Variants in DLAT observed in about 807,000 individuals in gnomAD.
The protein encoded by DLAT is dihydrolipoamide S-acetyltransferase, also known as dihydrolipoyllysine-residue acetyltransferase component of pyruvate dehydrogenase complex, mitochondrial.
DLAT carries 43 observed loss-of-function variants against 68.0 expected under a neutral mutation model. The observed-to-expected ratio is 0.63, with a 90% CI of 0.50 to 0.81. The LOEUF is 0.81. DLAT is among the 40% of genes least tolerant of loss of function. The pLI is 0.00. For missense variants in DLAT, 745 were observed against 815.4 expected (o/e 0.91, Z 1.05); for synonymous variants, 265 against 288.6 (o/e 0.92, Z 0.83).
chr11:112,036,167 A>ATATGTGTGTG (rs1555180440), intron 5 of DLAT, among the ~76,000 whole-genome samples: 2 of 82,572 alleles, frequency 2.4e-5, no homozygotes, highest in African/African-American at 1.1e-4. Context: ...GTGTGTATAT[A>ATATGTGTGTG]TGTGTGTGTG....
intron 1 of DLAT, among the ~76,000 whole-genome samples, 196 bp from the exon 2 acceptor site, chr11:112,026,002 A>G (rs1278267375): frequency 2.0e-5 from 3 of 152,216 alleles, no homozygotes; most frequent in Non-Finnish European, 2.9e-5. Flanking sequence ...TCAGACCCAC[A>G]GGACTGTGGA....
At chr11:112,059,469 T>C (rs1022547984) in intron 11 of DLAT, among the ~76,000 whole-genome samples, 1 of 151,828 alleles carries the variant, frequency 6.6e-6, no homozygotes, top group African/African-American at 2.4e-5. Flanking sequence ...CTCAGCTCAC[T>C]GCAACCTCCA....
At chr11:112,052,243 C>T (rs1863688429) in intron 11 of DLAT, among the ~76,000 whole-genome samples, 1 of 152,140 alleles carries the variant, frequency 6.6e-6, no homozygotes, top group Non-Finnish European at 1.5e-5. Context: ...TTTCCCCACA[C>T]ACCAACCAAA....
At chr11:112,032,618 C>T (rs906813699) in intron 4 of DLAT, 1 of 152,176 alleles carries the variant, frequency 6.6e-6, no homozygotes, top group East Asian at 1.9e-4. Flanking sequence ...CTTAATATTA[C>T]GTTTTTATCT....
At chr11:112,041,360 T>C (rs1863042862) in intron 7 of DLAT, among the ~76,000 whole-genome samples, 1 of 152,214 alleles carries the variant, frequency 6.6e-6, no homozygotes, top group Non-Finnish European at 1.5e-5. Flanking sequence ...CTCAGTGATA[T>C]ACTAGTGAGT....
chr11:112,045,773 C>A, intron 9 of DLAT, 90 bp from the exon 10 acceptor site: 1 of 783,550 alleles, frequency 1.3e-6, no homozygotes, highest in Admixed American at 2.0e-5. Flanking sequence ...TAAGTATTAG[C>A]AGAGAGTAAG....
intron 10 of DLAT, among the ~76,000 whole-genome samples, chr11:112,047,390 A>G (rs139380841): frequency 0.01 from 1,582 of 152,304 alleles, 25 homozygotes; most frequent in African/African-American, 0.035. Flanking sequence ...ATAGATTTCA[A>G]AAATTTTCTC....
At chr11:112,046,666 T>TTCAACTC (rs1263714309) in intron 10 of DLAT, among the ~76,000 whole-genome samples, 1 of 151,884 alleles carries the variant, frequency 6.6e-6, no homozygotes, top group East Asian at 1.9e-4. Flanking sequence ...CCTCCCTGTG[T>TTCAACTC]CCATGTGTTC....
rs1431566908 is a variant in DLAT at position 112,051,878 on chromosome 11, AC to A, written c.1514+530del. Among the ~76,000 whole-genome samples the A allele has an allele frequency of 1.3e-5, 2 of 152,238 alleles. No individual in the cohort carries two copies. Among genetic ancestry groups the A allele is most frequent in the Non-Finnish European group, 2.9e-5 (2 of 68,038 alleles). ...CCTGAACTTTACGGGCAAAATTAGA[AC>A]AGTAATTGTTAATAATACAATGGTA... On this transcript the variant is annotated intron_variant, in intron 11 of 13. Transcript: ENST00000280346. The surrounding 1 kb of genome is among the most constrained non-coding windows in gnomAD (Gnocchi z 4.3).
intron 11 of DLAT, among the ~76,000 whole-genome samples, chr11:112,052,339 T>C (rs1300758927): frequency 6.6e-6 from 1 of 152,088 alleles, no homozygotes; most frequent in Non-Finnish European, 1.5e-5. Context: ...ATCCCAAAGA[T>C]TGAGGGCTCA....
intron 10 of DLAT, among the ~76,000 whole-genome samples, chr11:112,048,852 TC>T (rs1183053029): frequency 6.6e-6 from 1 of 152,078 alleles, no homozygotes; most frequent in Non-Finnish European, 1.5e-5. Flanking sequence ...GGTTCTTAAT[TC>T]CATTCCATTA....
In DLAT at chr11:112,063,853, A is replaced by T. The variant is rs757760280; in HGVS notation, c.*1318A>T. ...TATTAATATTTATGTGTTTTAATAA[A>T]CGTTTGAAATTATTTATGACTACTT... On this transcript the variant is annotated 3_prime_UTR_variant, in exon 14 of 14. Transcript: ENST00000280346. The T allele has an allele frequency of 4.5e-6, 1 of 220,346 alleles. No homozygotes were observed. Among genetic ancestry groups the T allele is most frequent in the Non-Finnish European group, 8.8e-6 (1 of 113,772 alleles). 13.6% of individuals were successfully genotyped at this position (220,346 alleles called of 1,614,324 possible).
chr11:112,062,522 C>T lies in DLAT; in HGVS notation c.1931C>T (p.Thr644Ile), dbSNP rs1555183392. 2 of 1,612,422 alleles carry T rather than the reference C, an allele frequency of 1.2e-6. No individual in the cohort carries two copies. The highest frequency in any genetic ancestry group is 8.5e-7 in the Non-Finnish European group (1 of 1,179,972). Residue 644 changes from threonine (T) to isoleucine (I), a missense_variant, in exon 14 of 14, where the codon ACT (threonine) becomes ATT (isoleucine). Physicochemically the swap from Thr to Ile is moderately conservative, Grantham distance 89. Transcript: ENST00000280346. ...AGAAAGTACCTTGAAAAACCTATCA[C>T]TATGTTGTTGTAACTAACTCAAGAA... Reference protein sequence around the residue: ...EFRKYLEKPITMLL With the variant: ...EFRKYLEKPIIMLL
Position 112,062,868 on chromosome 11 carries a change from A to T in DLAT, c.*333A>T, listed in dbSNP as rs1376821821. The T allele has an allele frequency of 1.3e-5, 4 of 298,994 alleles. No homozygotes were observed. Among genetic ancestry groups the T allele is most frequent in the African/African-American group, 8.7e-5 (4 of 45,936 alleles). 18.5% of individuals were successfully genotyped at this position (298,994 alleles called of 1,614,324 possible). On this transcript the variant is annotated 3_prime_UTR_variant, in exon 14 of 14. Coordinates refer to ENST00000280346, the MANE Select transcript of DLAT (RefSeq NM_001931.5). ...ATTGTGGTTCCCTAAAGACAAGTAC[A>T]TAAAGGTGACCCTGATGAAACCTTG...
At chr11:112,026,464 T>C (rs1209013850) in intron 2 of DLAT, among the ~76,000 whole-genome samples, 165 bp downstream of exon 2, 8 of 152,096 alleles carry the variant, frequency 5.3e-5, no homozygotes, top group African/African-American at 1.7e-4. Flanking sequence ...AGGCAGAGGA[T>C]CCTGCGGCCT....
chr11:112,061,085 T>C lies in DLAT; in HGVS notation c.1725T>C (p.Asn575=), dbSNP rs1555183210. The part of the protein sequence containing the change: ...ISNLGMFGIK[N]FSAIINPPQA... ...ATTTAGGAATGTTTGGAATTAAGAA[T>C]TTCTCTGCTATTATTAACCCACCTC... Residue 575 remains asparagine (N), a synonymous_variant, in exon 13 of 14, where the codon AAT becomes AAC. Transcript: ENST00000280346. 5.0e-6 allele frequency: 8 copies of C among 1,613,460 alleles called. No homozygotes were observed. The highest frequency in any genetic ancestry group is 6.8e-6 in the Non-Finnish European group (8 of 1,179,606).
chr11:112,029,522 A>C (rs1254538076), intron 4 of DLAT, among the ~76,000 whole-genome samples: 1 of 152,094 alleles, frequency 6.6e-6, no homozygotes, highest in African/African-American at 2.4e-5. Flanking sequence ...GGCTCTTTAT[A>C]GCAATCAGAT....
At position 112,025,490 on chromosome 11, in the gene DLAT, G is replaced by A. The variant is rs970017405; in HGVS notation, c.18G>A (p.Ala6=). ...GTGGCACTATGTGGCGCGTCTGTGC[G>A]CGACGGGCTCAGAATGTAGCCCCAT... MWRVC[A]RRAQNVAPWA... The change falls in exon 1 of 14, where the codon GCG becomes GCA. Residue 6 remains alanine (A), a synonymous_variant. Coordinates refer to ENST00000280346, the MANE Select transcript of DLAT (RefSeq NM_001931.5). 7 of 1,613,396 alleles carry A rather than the reference G, an allele frequency of 4.3e-6. No individual in the cohort carries two copies. Among genetic ancestry groups the A allele is most frequent in the African/African-American group, 1.3e-5 (1 of 74,930 alleles).
chr11:112,049,865 G>T (rs782127022), intron 10 of DLAT, among the ~76,000 whole-genome samples: 30 of 151,926 alleles, frequency 2.0e-4, no homozygotes, highest in Non-Finnish European at 2.5e-4. Context: ...TTTTCATTTT[G>T]ACCTGTATGC....
Sources: allele counts gnomAD v4.1 joint callset (sites outside exome capture counted in the v4.1 genomes callset), GRCh38; gene constraint gnomAD v4.1.1; non-coding constraint Gnocchi (gnomAD v3.1); transcripts MANE v1.5; gene names NCBI Gene and HGNC (gene_info 2026-07-23, HGNC 2026-07-21).